Variants in PITPNC1 observed in about 807,000 individuals in gnomAD.
The protein encoded by PITPNC1 is phosphatidylinositol transfer protein cytoplasmic 1.
PITPNC1 carries 18 observed loss-of-function variants against 44.7 expected under a neutral mutation model. That is an observed-to-expected ratio of 0.40 (90% CI 0.28 to 0.60). PITPNC1 has a LOEUF of 0.60. Ranked by LOEUF, PITPNC1 falls within the 20% of genes least tolerant of loss-of-function variation. The pLI is 0.39. For synonymous variants in PITPNC1, 141 were observed against 149.6 expected (o/e 0.94, Z 0.42); for missense variants, 290 against 418.4 (o/e 0.69, Z 2.68).
chr17:67,593,840 C>T (rs1219445056), intron 5 of PITPNC1, among the ~76,000 whole-genome samples: 1 of 152,042 alleles, frequency 6.6e-6, no homozygotes, highest in South Asian at 2.1e-4. Flanking sequence ...CAGTTGTTTC[C>T]CAAATGTTTG....
intron 4 of PITPNC1, among the ~76,000 whole-genome samples, chr17:67,559,578 G>T (rs986981991): frequency 1.3e-5 from 2 of 152,214 alleles, no homozygotes; most frequent in Non-Finnish European, 2.9e-5. Flanking sequence ...GGCCTGAAAA[G>T]CACCCTTGTG....
intron 8 of PITPNC1, among the ~76,000 whole-genome samples, chr17:67,690,085 G>A (rs1368776840): frequency 6.6e-6 from 1 of 152,038 alleles, no homozygotes; most frequent in African/African-American, 2.4e-5. Flanking sequence ...TTTAATAATT[G>A]TTCCCAGGAA....
chr17:67,475,135 G>C (rs1317932834), intron 1 of PITPNC1, among the ~76,000 whole-genome samples: 1 of 152,208 alleles, frequency 6.6e-6, no homozygotes. Flanking sequence ...GATGAATGAA[G>C]AGGAAATGAA....
At chr17:67,432,980 AAATAT>A (rs1002297979) in intron 1 of PITPNC1, among the ~76,000 whole-genome samples, 7 of 152,202 alleles carry the variant, frequency 4.6e-5, no homozygotes, top group South Asian at 2.1e-4. Context: ...GGAAATATAC[AAATAT>A]AATATAATGT....
At chr17:67,556,322 T>G (rs1598816569) in intron 4 of PITPNC1, among the ~76,000 whole-genome samples, 1 of 152,114 alleles carries the variant, frequency 6.6e-6, no homozygotes, top group East Asian at 1.9e-4. Context: ...GGAGATAAGG[T>G]TGTCAACCTT....
intron 1 of PITPNC1, among the ~76,000 whole-genome samples, chr17:67,399,892 C>T (rs2143818731): frequency 6.6e-6 from 1 of 152,294 alleles, no homozygotes; most frequent in South Asian, 2.1e-4. Context: ...TCAGTCCTTG[C>T]TGTGTGATAT....
intron 1 of PITPNC1, among the ~76,000 whole-genome samples, chr17:67,514,948 C>A (rs1457812006): frequency 6.6e-6 from 1 of 152,188 alleles, no homozygotes; most frequent in Non-Finnish European, 1.5e-5. Flanking sequence ...TTCAACACTT[C>A]AAAACCTATG....
intron 1 of PITPNC1, among the ~76,000 whole-genome samples, chr17:67,415,661 G>A (rs948005488): frequency 6.6e-6 from 1 of 152,164 alleles, no homozygotes; most frequent in Non-Finnish European, 1.5e-5. Flanking sequence ...CGTGGACATG[G>A]TTATATAATG....
intron 4 of PITPNC1, among the ~76,000 whole-genome samples, chr17:67,559,891 CA>C (rs1372462443): frequency 2.0e-5 from 3 of 151,990 alleles, no homozygotes; most frequent in Admixed American, 1.3e-4. Context: ...AAAAAATAAA[CA>C]AACAAAAAAA....
rs953953476 is a variant in PITPNC1, at chr17:67,377,356, C to T, written c.-799C>T. On this transcript the variant is annotated 5_prime_UTR_variant, in exon 1 of 9. Coordinates refer to ENST00000581322, the MANE Select transcript of PITPNC1 (RefSeq NM_012417.4). The stretch of plus-strand genomic sequence containing the variant: ...GGCCCCGGCGAGGTGGCTGCAAACT[C>T]GCGGGCACGCACGGCGCCCGGGGAG... The T allele has an allele frequency of 3.3e-5, 5 of 152,128 alleles. No individual in the cohort carries two copies. The highest frequency in any genetic ancestry group is 1.2e-4 in the African/African-American group (5 of 41,432). The allele number at this position is 152,128 out of a possible 1,614,324, so 9.4% of individuals were successfully genotyped here.
At position 67,489,636 on chromosome 17, in the gene PITPNC1, C is replaced by T. The variant is rs569168370; in HGVS notation, c.49-43166C>T. ...ATGGGGACTTTTGAAAGCTTCCAGG[C>T]GAGTCTAATATGCAGCCAGGGTTCT... is the stretch of plus-strand genomic sequence containing the variant. On this transcript the variant is annotated intron_variant, in intron 1 of 8. Coordinates refer to ENST00000581322, the MANE Select transcript of PITPNC1 (RefSeq NM_012417.4). Among the ~76,000 whole-genome samples, 18 of 152,286 alleles carry T rather than the reference C, an allele frequency of 1.2e-4. No homozygotes were observed. The South Asian group carries it at 1.7e-3, about 14-fold the overall frequency.
At chr17:67,403,218 C>CA (rs34768084) in intron 1 of PITPNC1, among the ~76,000 whole-genome samples, 761 of 68,886 alleles carry the variant, frequency 0.011, 44 homozygotes, top group African/African-American at 0.029. Context: ...CTCATCTCTA[C>CA]AAAAAAAAAA....
chr17:67,667,249 C>A (rs759087116), intron 6 of PITPNC1, among the ~76,000 whole-genome samples: 1 of 152,120 alleles, frequency 6.6e-6, no homozygotes, highest in Non-Finnish European at 1.5e-5. Context: ...TGAAAACTGG[C>A]TGGGCCCGGT....
chr17:67,559,410 G>A (rs2040878764), intron 4 of PITPNC1, among the ~76,000 whole-genome samples: 1 of 152,192 alleles, frequency 6.6e-6, no homozygotes, highest in Non-Finnish European at 1.5e-5. Context: ...TAGCGGGTTA[G>A]GAAATAACTT....
intron 1 of PITPNC1, among the ~76,000 whole-genome samples, chr17:67,458,262 G>A (rs2039283753): frequency 6.6e-6 from 1 of 152,088 alleles, no homozygotes; most frequent in Non-Finnish European, 1.5e-5. Context: ...GCTTCTTGGA[G>A]GACCCAAACT....
chr17:67,395,805 A>G (rs1307916854), intron 1 of PITPNC1, among the ~76,000 whole-genome samples: 1 of 152,164 alleles, frequency 6.6e-6, no homozygotes, highest in East Asian at 1.9e-4. Context: ...CCCCCACCCA[A>G]GTGCCAGGAG....
chr17:67,578,348 G>A lies in PITPNC1; in HGVS notation c.366+91G>A, dbSNP rs1408843819. 3 of 846,076 alleles carry A rather than the reference G, an allele frequency of 3.5e-6. No homozygotes were observed. The Admixed American group carries it at 5.7e-5, about 16-fold the overall frequency. 52.4% of individuals were successfully genotyped at this position (846,076 alleles called of 1,614,324 possible). On this transcript the variant is annotated intron_variant, in intron 5 of 8. Coordinates refer to ENST00000581322, the MANE Select transcript of PITPNC1 (RefSeq NM_012417.4). ...AGCCCCTCTGTGACCAGGGCCAGCA[G>A]TGGGACCTGTGCCTGGGACCTCAGA...
intron 1 of PITPNC1, among the ~76,000 whole-genome samples, chr17:67,463,050 T>C (rs1403674732): frequency 4.6e-5 from 7 of 152,252 alleles, no homozygotes; most frequent in Non-Finnish European, 1.0e-4. Context: ...TGAGCTCAAC[T>C]AAAGACTTTG....
intron 8 of PITPNC1, chr17:67,686,957 C>T (rs1416438352): frequency 3.0e-6 from 2 of 672,368 alleles, no homozygotes; most frequent in East Asian, 2.6e-5. Context: ...CAAGTCTCTG[C>T]TTTTTTAAAC....
Sources: allele counts gnomAD v4.1 joint callset (sites outside exome capture counted in the v4.1 genomes callset), GRCh38; gene constraint gnomAD v4.1.1; transcripts MANE v1.5; gene names NCBI Gene and HGNC (gene_info 2026-07-23, HGNC 2026-07-21).